The following B3GLCT variants were observed in gnomAD, a reference collection of about 807,000 sequenced individuals.
B3GLCT encodes the protein beta-1,3-glucosyltransferase.
A neutral mutation model predicts 63.4 loss-of-function variants in B3GLCT; 65 were observed. The observed-to-expected ratio is 1.03, with a 90% CI of 0.84 to 1.26. The LOEUF is 1.26. Among genes scored for constraint, B3GLCT ranks in the 50% most tolerant of loss-of-function variants. The pLI, the probability that B3GLCT is intolerant of heterozygous loss-of-function variation, is 0.00. For missense variants in B3GLCT, 577 were observed against 604.8 expected (o/e 0.95, Z 0.48); for synonymous variants, 233 against 219.2 (o/e 1.06, Z -0.55).
intron 8 of B3GLCT, among the ~76,000 whole-genome samples, 179 bp downstream of exon 8, chr13:31,269,456 T>A (rs1382480179): frequency 6.6e-6 from 1 of 152,212 alleles, no homozygotes; most frequent in Admixed American, 6.5e-5. Flanking sequence ...ATTTCAGTTA[T>A]GTAGATGAAG....
chr13:31,293,933 A>G (rs1739617630), intron 12 of B3GLCT, among the ~76,000 whole-genome samples: 1 of 152,318 alleles, frequency 6.6e-6, no homozygotes, highest in South Asian at 2.1e-4. Context: ...ATGTTTTTGC[A>G]GTGGCTGGTA....
intron 2 of B3GLCT, among the ~76,000 whole-genome samples, chr13:31,218,990 A>G (rs964497989): frequency 2.4e-4 from 37 of 151,184 alleles, no homozygotes; most frequent in African/African-American, 8.3e-4. Context: ...CCCTGGACAG[A>G]TAGATTCATA....
intron 1 of B3GLCT, among the ~76,000 whole-genome samples, chr13:31,204,158 C>T (rs1485848149): frequency 2.6e-5 from 4 of 152,158 alleles, no homozygotes; most frequent in South Asian, 2.1e-4. Context: ...GAACATGCTG[C>T]AGGGAGATAG....
intron 6 of B3GLCT, among the ~76,000 whole-genome samples, chr13:31,249,731 C>A (rs1040950307): frequency 2.6e-5 from 4 of 151,990 alleles, no homozygotes; most frequent in Non-Finnish European, 5.9e-5. Flanking sequence ...TAAAAAAAAA[C>A]CATCCAGGAT....
chr13:31,304,474 T>C (rs1475891717), intron 12 of B3GLCT, among the ~76,000 whole-genome samples: 1 of 75,262 alleles, frequency 1.3e-5, no homozygotes, highest in Non-Finnish European at 2.7e-5. Context: ...AATAAAAGGA[T>C]GGAGGAAGAT....
intron 10 of B3GLCT, among the ~76,000 whole-genome samples, chr13:31,282,571 G>C (rs1873125828): frequency 1.3e-5 from 2 of 151,478 alleles, no homozygotes; most frequent in African/African-American, 4.9e-5. Context: ...GAACCCAGGA[G>C]GCAGAGCTTG....
intron 12 of B3GLCT, among the ~76,000 whole-genome samples, chr13:31,310,906 C>G (rs2137922443): frequency 6.6e-6 from 1 of 152,346 alleles, no homozygotes; most frequent in South Asian, 2.1e-4. Flanking sequence ...GGGCTGAGCA[C>G]AGAGCCACAG....
Position 31,200,045 on chromosome 13 carries a change from TC to T in B3GLCT, c.-36del. On this transcript the variant is annotated 5_prime_UTR_variant, in exon 1 of 15. Coordinates refer to ENST00000343307, the MANE Select transcript of B3GLCT (RefSeq NM_194318.4). ...AGCTCCGCTCCCCGCGCGTCTCCCT[TC>T]CCCGCGCCCAGGTAGGGCGCTCAGC... The T allele has an allele frequency of 7.7e-7, 1 of 1,297,316 alleles. No individual in the cohort carries two copies. Among genetic ancestry groups the T allele is most frequent in the Non-Finnish European group, 9.9e-7 (1 of 1,007,238 alleles). 80.4% of individuals were successfully genotyped at this position (1,297,316 alleles called of 1,614,324 possible).
rs1356910972 is a variant in B3GLCT, at chr13:31,269,638, T to TC, written c.660+365dup. ...TGCCAGTGTAGATTGAATGATCATG[T>TC]CCCCGCCCCCCTAATTCATACCTTG... On this transcript the variant is annotated intron_variant, in intron 8 of 14. Coordinates refer to ENST00000343307, the MANE Select transcript of B3GLCT (RefSeq NM_194318.4). Among the ~76,000 whole-genome samples the TC allele has an allele frequency of 3.1e-3, 425 of 135,502 alleles. 3 individuals carry two copies. Among genetic ancestry groups the TC allele is most frequent in the African/African-American group, 0.012 (401 of 33,966 alleles). 88.9% of individuals were successfully genotyped at this position (135,502 alleles called of 152,430 possible).
At position 31,301,003 on chromosome 13, in the gene B3GLCT, C is replaced by T. The variant is rs76974551; in HGVS notation, c.1064+14184C>T. ...TTCCTGCCATGATTAGCTTGACCTA[C>T]GCCCAGGAATGAGTGAAGACAGCCA... is the stretch of plus-strand genomic sequence containing the variant. On this transcript the variant is annotated intron_variant, in intron 12 of 14. Transcript: ENST00000343307. 5.8e-3 allele frequency among the ~76,000 whole-genome samples: 890 copies of T among 152,270 alleles called. 12 individuals carry two copies. Among genetic ancestry groups the T allele is most frequent in the African/African-American group, 0.019 (805 of 41,544 alleles).
chr13:31,317,394 TTTTG>T (rs1875095756), intron 12 of B3GLCT, among the ~76,000 whole-genome samples, 168 bp from the exon 13 acceptor site: 1 of 152,228 alleles, frequency 6.6e-6, no homozygotes, highest in African/African-American at 2.4e-5. Flanking sequence ...TCTTTTCTTT[TTTTG>T]TTGTTGTTTA....
chr13:31,308,708 G>C (rs1165371944), intron 12 of B3GLCT, among the ~76,000 whole-genome samples: 1 of 152,076 alleles, frequency 6.6e-6, no homozygotes, highest in African/African-American at 2.4e-5. Flanking sequence ...AGAGGTGGAT[G>C]ATACAGATCT....
chr13:31,259,889 G>A (rs554951818), intron 6 of B3GLCT, among the ~76,000 whole-genome samples: 2 of 151,938 alleles, frequency 1.3e-5, no homozygotes, highest in Admixed American at 1.3e-4. Flanking sequence ...CAACGTGCAG[G>A]TTTGTTTTCT....
intron 4 of B3GLCT, among the ~76,000 whole-genome samples, chr13:31,243,390 GA>G (rs1224284665): frequency 4.6e-5 from 7 of 152,168 alleles, no homozygotes; most frequent in Non-Finnish European, 1.0e-4. Flanking sequence ...CAGACATGCA[GA>G]AAAACTAAAA....
intron 12 of B3GLCT, among the ~76,000 whole-genome samples, chr13:31,314,621 A>G (rs1376375796): frequency 1.3e-5 from 2 of 152,200 alleles, no homozygotes; most frequent in Admixed American, 1.3e-4. Context: ...TTGATTTTAC[A>G]GGCTCATAGG....
chr13:31,294,158 A>G (rs1348673078), intron 12 of B3GLCT, among the ~76,000 whole-genome samples: 1 of 152,196 alleles, frequency 6.6e-6, no homozygotes, highest in Admixed American at 6.5e-5. Context: ...TGTGGCTTAT[A>G]GGGTTTCTGC....
intron 12 of B3GLCT, among the ~76,000 whole-genome samples, chr13:31,299,036 G>GA (rs1874096431): frequency 6.6e-6 from 1 of 152,152 alleles, no homozygotes; most frequent in African/African-American, 2.4e-5. Flanking sequence ...AGGGAAGAAA[G>GA]AAAAAATGAT....
In B3GLCT at chr13:31,281,831, T is replaced by C. The variant is rs538602186; in HGVS notation, c.851-2817T>C. Among the ~76,000 whole-genome samples the C allele has an allele frequency of 5.9e-5, 9 of 152,348 alleles. No homozygotes were observed. In the South Asian group the frequency reaches 1.0e-3, roughly 18 times the overall value. On this transcript the variant is annotated intron_variant, in intron 10 of 14. Transcript: ENST00000343307. ...TGATGGTGTGGTAGTTTTAATAAAA[T>C]GTTCAAGTGTCAAGTTCATTTTCAT...
intron 1 of B3GLCT, among the ~76,000 whole-genome samples, chr13:31,212,891 A>G (rs1004788567): frequency 2.6e-5 from 4 of 152,246 alleles, no homozygotes; most frequent in African/African-American, 9.6e-5. Flanking sequence ...TCAGGGTTTT[A>G]AATGTGCATA....
Sources: gnomAD v4.1 joint callset for allele counts (sites outside exome capture counted in the v4.1 genomes callset) on GRCh38, gnomAD v4.1.1 for gene constraint, MANE v1.5 for transcripts, NCBI Gene and HGNC (gene_info 2026-07-23, HGNC 2026-07-21) for gene names.